ZNF365: variants seen among roughly 807,000 people sequenced by gnomAD.
ZNF365 encodes zinc finger protein 365.
ZNF365 carries 22 observed loss-of-function variants against 35.0 expected under a neutral mutation model. The ratio of observed to expected loss-of-function variants is 0.63; its 90% CI spans 0.45 to 0.90. ZNF365 has a LOEUF of 0.90. ZNF365 is among the 40% of genes least tolerant of loss of function. The probability of loss-of-function intolerance (pLI) is 0.00; values close to 1 mark genes in which losing one functional copy is unlikely to be tolerated. For missense variants in ZNF365, 448 were observed against 500.3 expected (o/e 0.90, Z 1.00); for synonymous variants, 188 against 196.2 (o/e 0.96, Z 0.35).
At chr10:62,398,666 T>C in intron 3 of ZNF365, 74 bp from the exon 4 acceptor site, 3 of 1,411,562 alleles carry the variant, frequency 2.1e-6, no homozygotes, top group Non-Finnish European at 2.0e-6. Flanking sequence ...TTTTAGAAAG[T>C]ATAAGAAATA....
chr10:62,448,965 C>G (rs1218128809), intron 3 of ZNF365, among the ~76,000 whole-genome samples: 1 of 152,098 alleles, frequency 6.6e-6, no homozygotes, highest in African/African-American at 2.4e-5. Flanking sequence ...GTGGCTTTAG[C>G]TAAATAATTA....
In ZNF365 at chr10:62,401,539, A is replaced by C; in HGVS notation, c.*1750A>C. 1.0e-6 allele frequency: 1 copy of C among 985,478 alleles called. No individual in the cohort carries two copies. The allele number at this position is 985,478 out of a possible 1,614,324, so 61.0% of individuals were successfully genotyped here. ...ATAAGCAGCTATCAAGTGGGCAAAAACATTGCTGTGAATAGCACTGTTTAG... is the reference window on the plus strand; with the variant it reads ...ATAAGCAGCTATCAAGTGGGCAAAACCATTGCTGTGAATAGCACTGTTTAG... On this transcript the variant is annotated 3_prime_UTR_variant, in exon 5 of 5. Coordinates refer to ENST00000395254, the MANE Select transcript of ZNF365 (RefSeq NM_014951.3).
chr10:62,448,004 G>A (rs938211870), intron 3 of ZNF365, among the ~76,000 whole-genome samples: 8 of 152,062 alleles, frequency 5.3e-5, no homozygotes, highest in African/African-American at 1.2e-4. Flanking sequence ...GTGAACACCC[G>A]CCACCCAAAC....
intron 3 of ZNF365, among the ~76,000 whole-genome samples, chr10:62,429,107 A>G (rs1254309321): frequency 1.3e-5 from 2 of 152,148 alleles, no homozygotes; most frequent in Non-Finnish European, 2.9e-5. Context: ...ATGTGTGCCA[A>G]CGTTAGTTCT....
At chr10:62,423,364 A>G (rs1397512120) in intron 3 of ZNF365, among the ~76,000 whole-genome samples, 5 of 152,296 alleles carry the variant, frequency 3.3e-5, no homozygotes, top group Admixed American at 1.3e-4. Flanking sequence ...TTTGACTCCA[A>G]GACTCCTACT....
chr10:62,389,626 G>C (rs1302469320), intron 3 of ZNF365, among the ~76,000 whole-genome samples: 1 of 152,154 alleles, frequency 6.6e-6, no homozygotes, highest in Non-Finnish European at 1.5e-5. Context: ...TAATTGTCCA[G>C]ATGAAGGAAT....
chr10:62,456,716 T>C (rs992130567), intron 3 of ZNF365, among the ~76,000 whole-genome samples: 3 of 152,224 alleles, frequency 2.0e-5, no homozygotes, highest in African/African-American at 7.2e-5. Flanking sequence ...TGACCACAGC[T>C]GTAGCTCTGG....
chr10:62,437,592 T>G (rs1355891251), intron 3 of ZNF365, among the ~76,000 whole-genome samples: 2 of 152,226 alleles, frequency 1.3e-5, no homozygotes, highest in East Asian at 3.9e-4. Context: ...TTCCAGGCAG[T>G]TAACAAACAG....
intron 4 of ZNF365, among the ~76,000 whole-genome samples, chr10:62,474,473 G>A (rs761002979): frequency 6.6e-5 from 10 of 152,048 alleles, no homozygotes; most frequent in African/African-American, 9.7e-5. Context: ...TTGCCATTTC[G>A]TGTGTGTGTG....
At position 62,399,562 on chromosome 10, in the gene ZNF365, C is replaced by A; in HGVS notation, c.997C>A (p.Pro333Thr). Residue 333 changes from proline (P) to threonine (T), a missense_variant, in exon 5 of 5, where the codon CCT becomes ACT. Pro to Thr is a conservative substitution (Grantham distance 38). This residue lies in a region of ZNF365 where 362 missense variants were observed against 375.7 expected (regional missense o/e 0.96). Coordinates refer to ENST00000395254, the MANE Select transcript of ZNF365 (RefSeq NM_014951.3). ...RGHPHSVCNH[P>T]DLKAHFHPKG... is the part of the protein sequence containing the mutation. ...GCACCCGCATTCGGTATGTAACCAC[C>A]CTGATCTCAAGGCCCATTTCCACCC... 2 of 1,614,100 alleles carry A rather than the reference C, an allele frequency of 1.2e-6. No individual in the cohort carries two copies. The highest frequency in any genetic ancestry group is 1.7e-6 in the Non-Finnish European group (2 of 1,180,026).
chr10:62,479,982 A>C, exon 5 of ZNF365: 1 of 1,592,524 alleles, frequency 6.3e-7, no homozygotes, highest in Non-Finnish European at 8.5e-7. Flanking sequence ...TCATTCATTC[A>C]ACAAATATTT....
At chr10:62,425,453 G>A (rs1840236783) in intron 3 of ZNF365, among the ~76,000 whole-genome samples, 1 of 152,190 alleles carries the variant, frequency 6.6e-6, no homozygotes, top group African/African-American at 2.4e-5. Flanking sequence ...TAATCAGTAA[G>A]AAATGACAGG....
chr10:62,402,861 A>G (rs532511527), downstream of ZNF365, among the ~76,000 whole-genome samples: 5 of 152,356 alleles, frequency 3.3e-5, no homozygotes, highest in Admixed American at 2.6e-4. Flanking sequence ...AGAATAGATA[A>G]CAGAGAGAAG....
At chr10:62,445,691 T>A (rs1377635817) in intron 3 of ZNF365, among the ~76,000 whole-genome samples, 2 of 152,210 alleles carry the variant, frequency 1.3e-5, no homozygotes, top group Admixed American at 1.3e-4. Context: ...GTGGGATTTG[T>A]TACACCATTT....
chr10:62,455,094 C>T (rs1206565364), intron 3 of ZNF365, among the ~76,000 whole-genome samples: 1 of 152,148 alleles, frequency 6.6e-6, no homozygotes, highest in African/African-American at 2.4e-5. Flanking sequence ...TTTGGTGGGG[C>T]ATGCCTTGGA....
intron 3 of ZNF365, among the ~76,000 whole-genome samples, chr10:62,391,344 A>G (rs148781533): frequency 0.027 from 4,130 of 152,152 alleles, 184 homozygotes; most frequent in African/African-American, 0.094. Flanking sequence ...AGCAGTGTAC[A>G]CTGTACCCAG....
Position 62,419,275 on chromosome 10 carries a change from T to G in ZNF365, c.924+30699T>G, listed in dbSNP as rs80185173. ...GATTAATCTTACTATGTTTGCAAAC[T>G]TAGACAAGTTACTTAACTTCTCTGA... On this transcript the variant is annotated intron_variant, in intron 3 of 4. Coordinates refer to the ZNF365 transcript ENST00000395255. 5.8e-3 allele frequency among the ~76,000 whole-genome samples: 881 copies of G among 152,230 alleles called. 6 individuals carry two copies. Among genetic ancestry groups the G allele is most frequent in the African/African-American group, 0.021 (862 of 41,564 alleles).
intron 2 of ZNF365, among the ~76,000 whole-genome samples, chr10:62,379,481 C>T (rs566309027): frequency 5.3e-5 from 8 of 151,774 alleles, no homozygotes; most frequent in African/African-American, 1.9e-4. Flanking sequence ...TCATTTGGGC[C>T]AGTCCCATCA....
intron 3 of ZNF365, among the ~76,000 whole-genome samples, chr10:62,434,049 G>A (rs181215137): frequency 3.2e-4 from 49 of 152,218 alleles, no homozygotes; most frequent in Non-Finnish European, 3.1e-4. Flanking sequence ...AAACCTGCTT[G>A]AACATAAGGA....
Sources: allele counts gnomAD v4.1 joint callset (sites outside exome capture counted in the v4.1 genomes callset), GRCh38; gene constraint gnomAD v4.1.1; regional missense constraint gnomAD v4.1.1; transcripts MANE v1.5; gene names NCBI Gene and HGNC (gene_info 2026-07-23, HGNC 2026-07-21).